The following EBF1 variants were observed in gnomAD, a reference collection of about 807,000 sequenced individuals.
The protein encoded by EBF1 is EBF transcription factor 1.
A neutral mutation model predicts 68.4 loss-of-function variants in EBF1; 10 were observed. That is an observed-to-expected ratio of 0.15 (90% confidence interval 0.09 to 0.25). EBF1 has a LOEUF of 0.25. EBF1 is among the 10% of genes least tolerant of loss of function. The probability of loss-of-function intolerance (pLI) is 1.00; values close to 1 mark genes in which losing one functional copy is unlikely to be tolerated. For missense variants in EBF1, 509 were observed against 794.4 expected (o/e 0.64, Z 4.32); for synonymous variants, 298 against 299.8 (o/e 0.99, Z 0.06).
chr5:158,899,069 C>T (rs528114355), intron 6 of EBF1, among the ~76,000 whole-genome samples: 22 of 152,306 alleles, frequency 1.4e-4, no homozygotes, highest in African/African-American at 4.1e-4. Flanking sequence ...ATACAAGATG[C>T]GTAAGTTATT....
intron 10 of EBF1, among the ~76,000 whole-genome samples, chr5:158,765,625 T>G (rs561115067): frequency 1.3e-5 from 2 of 152,242 alleles, no homozygotes; most frequent in South Asian, 2.1e-4. Flanking sequence ...CAATTACATG[T>G]GCCAGGTTGA....
At position 158,726,718 on chromosome 5, in the gene EBF1, A is replaced by T. The variant is rs183658546; in HGVS notation, c.1125+4351T>A. On this transcript the variant is annotated intron_variant, in intron 11 of 15. Transcript: ENST00000313708. The stretch of plus-strand genomic sequence containing the variant: ...AAAGCTGGTGAGAATCTACATAAGG[A>T]TGGGGGCCAGGTGTCAGGTGTCTGC... 3.9e-3 allele frequency among the ~76,000 whole-genome samples: 598 copies of T among 152,304 alleles called. 9 individuals carry two copies. The highest frequency in any genetic ancestry group is 4.4e-3 in the Non-Finnish European group (302 of 68,022).
At chr5:158,867,238 G>A (rs906708967) in intron 6 of EBF1, among the ~76,000 whole-genome samples, 4 of 152,114 alleles carry the variant, frequency 2.6e-5, no homozygotes, top group Non-Finnish European at 5.9e-5. Flanking sequence ...ATTAGAGGAA[G>A]GGCCTGAGTT....
At chr5:159,008,472 TG>T (rs1465795981) in intron 6 of EBF1, among the ~76,000 whole-genome samples, 1 of 151,864 alleles carries the variant, frequency 6.6e-6, no homozygotes, top group African/African-American at 2.4e-5. Flanking sequence ...GGAGTTGGTG[TG>T]AATAAATCAT....
intron 6 of EBF1, among the ~76,000 whole-genome samples, chr5:158,918,492 C>G (rs569565889): frequency 2.1e-5 from 3 of 143,576 alleles, no homozygotes; most frequent in Non-Finnish European, 4.5e-5. Context: ...GAATGGATTA[C>G]CATTAGTGTT....
chr5:158,891,899 A>T (rs1020868353), intron 6 of EBF1, among the ~76,000 whole-genome samples: 39 of 152,184 alleles, frequency 2.6e-4, no homozygotes, highest in Admixed American at 1.0e-3. Context: ...CTTTATTTTT[A>T]AAAAATATTT....
chr5:158,813,643 A>G (rs898056574), intron 8 of EBF1, among the ~76,000 whole-genome samples: 1 of 152,206 alleles, frequency 6.6e-6, no homozygotes, highest in Non-Finnish European at 1.5e-5. Context: ...GGTTCAAAAA[A>G]CAAATCATCA....
intron 6 of EBF1, among the ~76,000 whole-genome samples, chr5:158,945,083 C>T (rs907947291): frequency 3.9e-5 from 6 of 152,110 alleles, no homozygotes; most frequent in Admixed American, 3.9e-4. Context: ...TAATTAGATC[C>T]CATTTGTCAA....
In EBF1 at chr5:158,960,342, T is replaced by C. The variant is rs79960120; in HGVS notation, c.554+113054A>G. Among the ~76,000 whole-genome samples, 781 of 152,290 alleles carry C rather than the reference T, an allele frequency of 5.1e-3. 4 individuals carry two copies. Among genetic ancestry groups the C allele is most frequent in the African/African-American group, 0.017 (723 of 41,550 alleles). On this transcript the variant is annotated intron_variant, in intron 6 of 15. Transcript: ENST00000313708. ...ATCTAATTTATTTCTAAAAATAAATTATAGAAACACTAAAGAGGTTACATG... is the reference window on the plus strand; with the variant it reads ...ATCTAATTTATTTCTAAAAATAAATCATAGAAACACTAAAGAGGTTACATG...
chr5:158,786,250 C>T (rs1255046120), intron 9 of EBF1, among the ~76,000 whole-genome samples: 1 of 152,052 alleles, frequency 6.6e-6, no homozygotes, highest in African/African-American at 2.4e-5. Flanking sequence ...CAGTTCTGAC[C>T]AGGCATCTAA....
At chr5:159,093,432 C>T (rs1009155083) in intron 4 of EBF1, among the ~76,000 whole-genome samples, 1 of 152,120 alleles carries the variant, frequency 6.6e-6, no homozygotes, top group Admixed American at 6.5e-5. Context: ...ACTGAGATGT[C>T]ATATTATGGC....
chr5:158,922,083 A>G (rs1808561808), intron 6 of EBF1, among the ~76,000 whole-genome samples: 1 of 152,250 alleles, frequency 6.6e-6, no homozygotes, highest in African/African-American at 2.4e-5. Flanking sequence ...CTTGGCAGCT[A>G]CTGCCTATAA....
chr5:158,726,698 TGG>T (rs1367915736), intron 11 of EBF1, among the ~76,000 whole-genome samples: 2 of 152,300 alleles, frequency 1.3e-5, no homozygotes, highest in African/African-American at 4.8e-5. Flanking sequence ...GAGAGAAAGC[TGG>T]TGAGAATCTA....
At chr5:159,075,966 C>G (rs1778703071) in intron 5 of EBF1, among the ~76,000 whole-genome samples, 1 of 152,142 alleles carries the variant, frequency 6.6e-6, no homozygotes, top group African/African-American at 2.4e-5. Context: ...CAGAGCTCAG[C>G]CTATAGCTCC....
chr5:158,729,042 T>C (rs1258998595), intron 11 of EBF1, among the ~76,000 whole-genome samples: 1 of 152,214 alleles, frequency 6.6e-6, no homozygotes, highest in Non-Finnish European at 1.5e-5. Flanking sequence ...GGATTAGGAT[T>C]TCCTGCTCTG....
At position 158,699,101 on chromosome 5, in the gene EBF1, G is replaced by A. The variant is rs749402089; in HGVS notation, c.*10C>T. ...CCTCTTCATTAATACAATTCTTCAA[G>A]GCAATTCTTTCACATAGGAGGAACA... On this transcript the variant is annotated 3_prime_UTR_variant, in exon 16 of 16. Transcript: ENST00000313708. The A allele has an allele frequency of 6.2e-7, 1 of 1,605,370 alleles. No homozygotes were observed. The highest frequency in any genetic ancestry group is 1.3e-5 in the African/African-American group (1 of 74,460).
intron 10 of EBF1, among the ~76,000 whole-genome samples, chr5:158,757,948 T>A (rs900656736): frequency 3.9e-5 from 6 of 152,148 alleles, no homozygotes; most frequent in Non-Finnish European, 7.3e-5. Flanking sequence ...GGAAATACAC[T>A]TGTAAACCAA....
chr5:158,838,385 G>A (rs1789336017), intron 7 of EBF1, among the ~76,000 whole-genome samples: 1 of 145,268 alleles, frequency 6.9e-6, no homozygotes, highest in African/African-American at 2.6e-5. Context: ...GGCAGAGCTT[G>A]CAGTGAGCCA....
At chr5:158,915,448 A>G (rs1806953982) in intron 6 of EBF1, among the ~76,000 whole-genome samples, 1 of 152,272 alleles carries the variant, frequency 6.6e-6, no homozygotes, top group Non-Finnish European at 1.5e-5. Flanking sequence ...GTAATGCATC[A>G]CAGAAGTAGG....
Sources: allele counts gnomAD v4.1 joint callset (sites outside exome capture counted in the v4.1 genomes callset), GRCh38; gene constraint gnomAD v4.1.1; transcripts MANE v1.5; gene names NCBI Gene and HGNC (gene_info 2026-07-23, HGNC 2026-07-21).